Variants in GUCY1A2 observed in about 807,000 individuals in gnomAD.
The protein encoded by GUCY1A2 is guanylate cyclase soluble subunit alpha-2.
A neutral mutation model predicts 63.5 loss-of-function variants in GUCY1A2; 27 were observed. The ratio of observed to expected loss-of-function variants is 0.43; its 90% CI spans 0.31 to 0.59. The LOEUF (loss-of-function observed/expected upper bound fraction) is 0.59. GUCY1A2 is among the 20% of genes least tolerant of loss of function. GUCY1A2 has a pLI of 0.11. For synonymous variants in GUCY1A2, 364 were observed against 343.5 expected (o/e 1.06, Z -0.66); for missense variants, 768 against 913.3 (o/e 0.84, Z 2.05).
chr11:106,835,513 A>C (rs1290379298), intron 4 of GUCY1A2, among the ~76,000 whole-genome samples: 1 of 151,714 alleles, frequency 6.6e-6, no homozygotes, highest in Non-Finnish European at 1.5e-5. Flanking sequence ...GGGAAAGGTA[A>C]ATTTTGAAGT....
At chr11:106,845,104 A>G (rs1859252667) in intron 4 of GUCY1A2, among the ~76,000 whole-genome samples, 1 of 151,632 alleles carries the variant, frequency 6.6e-6, no homozygotes, top group Admixed American at 6.6e-5. Flanking sequence ...TTCTTCAAAA[A>G]TTTCTCAATC....
rs531660048 is a variant in GUCY1A2 at position 106,955,286 on chromosome 11, A to G, written c.488-15108T>C. Reference sequence around the variant, plus strand: ...CATGCCCGGCCCAGTCTGTCTTTTAAGTGGGGCATTTAGCCCATTTACATT... The same window carrying G: ...CATGCCCGGCCCAGTCTGTCTTTTAGGTGGGGCATTTAGCCCATTTACATT... On this transcript the variant is annotated intron_variant, in intron 3 of 7. Coordinates refer to ENST00000526355, the MANE Select transcript of GUCY1A2 (RefSeq NM_000855.3). 8.7e-4 allele frequency among the ~76,000 whole-genome samples: 132 copies of G among 152,298 alleles called. 1 individual carries two copies. The highest frequency in any genetic ancestry group is 1.9e-3 in the South Asian group (9 of 4,822).
At chr11:106,739,649 CTAAT>C (rs1204756561) in intron 6 of GUCY1A2, among the ~76,000 whole-genome samples, 2 of 152,142 alleles carry the variant, frequency 1.3e-5, no homozygotes, top group Non-Finnish European at 2.9e-5. Flanking sequence ...TTTTATGCTC[CTAAT>C]TAGTTTCTTA....
At chr11:106,883,729 T>C (rs771889100) in intron 4 of GUCY1A2, among the ~76,000 whole-genome samples, 4 of 152,128 alleles carry the variant, frequency 2.6e-5, no homozygotes, top group Non-Finnish European at 5.9e-5. Context: ...TTGTATTAAT[T>C]TGAATGCCCA....
At chr11:106,970,714 C>T (rs369885552) in intron 3 of GUCY1A2, among the ~76,000 whole-genome samples, 1 of 152,094 alleles carries the variant, frequency 6.6e-6, no homozygotes, top group Non-Finnish European at 1.5e-5. Flanking sequence ...CAATTGCACT[C>T]CTAAGTATTT....
chr11:106,889,281 T>C (rs1419746890), intron 4 of GUCY1A2, among the ~76,000 whole-genome samples: 1 of 152,190 alleles, frequency 6.6e-6, no homozygotes, highest in Non-Finnish European at 1.5e-5. Flanking sequence ...CCAAGGTAAG[T>C]TCCTGTGTGT....
At chr11:106,944,263 G>A (rs1237182386) in intron 3 of GUCY1A2, among the ~76,000 whole-genome samples, 1 of 117,404 alleles carries the variant, frequency 8.5e-6, no homozygotes, top group Non-Finnish European at 1.8e-5. Context: ...TGGGCAACAT[G>A]CCTAAACCCT....
At chr11:106,791,162 G>C (rs771043096) in intron 5 of GUCY1A2, among the ~76,000 whole-genome samples, 1 of 152,176 alleles carries the variant, frequency 6.6e-6, no homozygotes, top group Non-Finnish European at 1.5e-5. Flanking sequence ...ACACTGGCAT[G>C]GGTGATTCCC....
intron 3 of GUCY1A2, among the ~76,000 whole-genome samples, chr11:106,947,906 GA>G (rs1329269339): frequency 1.3e-5 from 2 of 151,834 alleles, no homozygotes; most frequent in Admixed American, 6.6e-5. Flanking sequence ...ATGAGCTTAA[GA>G]AAAAAACTAT....
chr11:106,883,077 C>T (rs529107132), intron 4 of GUCY1A2, among the ~76,000 whole-genome samples: 4 of 152,118 alleles, frequency 2.6e-5, no homozygotes, highest in Admixed American at 1.3e-4. Flanking sequence ...TTTGATATTA[C>T]ACATTGAAGG....
At chr11:106,817,620 T>C (rs1443618000) in intron 4 of GUCY1A2, among the ~76,000 whole-genome samples, 1 of 152,016 alleles carries the variant, frequency 6.6e-6, no homozygotes, top group East Asian at 1.9e-4. Context: ...AGGGTTTTAG[T>C]ATCCAAAATA....
At chr11:106,931,416 T>C (rs1860599516) in intron 4 of GUCY1A2, among the ~76,000 whole-genome samples, 1 of 152,190 alleles carries the variant, frequency 6.6e-6, no homozygotes, top group Non-Finnish European at 1.5e-5. Flanking sequence ...GGAAATGGCA[T>C]AAGCTCTTTG....
chr11:106,797,029 C>T (rs1864775907), intron 5 of GUCY1A2, among the ~76,000 whole-genome samples: 1 of 152,084 alleles, frequency 6.6e-6, no homozygotes, highest in Non-Finnish European at 1.5e-5. Flanking sequence ...TTCATTTGAT[C>T]TTCAATCACT....
At chr11:106,978,094 TG>T (rs1451206003) in intron 3 of GUCY1A2, among the ~76,000 whole-genome samples, 1 of 152,112 alleles carries the variant, frequency 6.6e-6, no homozygotes, top group Non-Finnish European at 1.5e-5. Context: ...ACAGCCCCTC[TG>T]TCATAAGTAC....
At chr11:106,973,578 C>A (rs1464991357) in intron 3 of GUCY1A2, among the ~76,000 whole-genome samples, 1 of 151,936 alleles carries the variant, frequency 6.6e-6, no homozygotes, top group Non-Finnish European at 1.5e-5. Flanking sequence ...ATTCAGAGAA[C>A]TGGAAAGGTG....
chr11:106,709,594 TAATATATA>T (rs1863028686), intron 6 of GUCY1A2, among the ~76,000 whole-genome samples: 1 of 102,082 alleles, frequency 9.8e-6, no homozygotes, highest in African/African-American at 3.5e-5. Flanking sequence ...TAGTTATATA[TAATATATA>T]GTTATATATT....
chr11:106,696,655 C>A (rs1375411327), intron 7 of GUCY1A2, among the ~76,000 whole-genome samples: 1 of 152,080 alleles, frequency 6.6e-6, no homozygotes, highest in African/African-American at 2.4e-5. Flanking sequence ...TTAATAACTT[C>A]AGCCCCCAAG....
rs535618997 is a variant in GUCY1A2 at position 106,895,604 on chromosome 11, G to T, written c.1206+43856C>A. 3.9e-5 allele frequency among the ~76,000 whole-genome samples: 6 copies of T among 152,190 alleles called. 1 individual carries two copies. Among genetic ancestry groups the T allele is most frequent in the African/African-American group, 1.4e-4 (6 of 41,528 alleles). On this transcript the variant is annotated intron_variant, in intron 4 of 7. Coordinates refer to ENST00000526355, the MANE Select transcript of GUCY1A2 (RefSeq NM_000855.3). ...CCATGTAAGACATACCTTTGTTCCT[G>T]CTTCACCTTCTGCCATGATTGTGAG...
At chr11:106,992,395 T>G (rs1861481874) in intron 1 of GUCY1A2, among the ~76,000 whole-genome samples, 1 of 148,412 alleles carries the variant, frequency 6.7e-6, no homozygotes, top group Admixed American at 6.8e-5. Flanking sequence ...AGTGGTGAGA[T>G]CTCAGCTCAC....
Sources: allele counts gnomAD v4.1 joint callset (sites outside exome capture counted in the v4.1 genomes callset), GRCh38; gene constraint gnomAD v4.1.1; transcripts MANE v1.5; gene names NCBI Gene and HGNC (gene_info 2026-07-23, HGNC 2026-07-21).